UNC5C: variants seen among roughly 807,000 people sequenced by gnomAD.
UNC5C encodes the protein unc-5 netrin receptor C, also known as netrin receptor UNC5C.
A neutral mutation model predicts 99.8 loss-of-function variants in UNC5C; 47 were observed. The ratio of observed to expected loss-of-function variants is 0.47; its 90% CI spans 0.37 to 0.60. The LOEUF (loss-of-function observed/expected upper bound fraction) is 0.60, where lower values mean the gene tolerates loss of function less well. Among genes scored for constraint, UNC5C ranks in the 20% least tolerant of loss-of-function variants. The probability of loss-of-function intolerance (pLI) is 0.00; values close to 1 mark genes in which losing one functional copy is unlikely to be tolerated. For synonymous variants in UNC5C, 487 were observed against 452.2 expected (o/e 1.08, Z -0.98); for missense variants, 1,062 against 1,165.9 (o/e 0.91, Z 1.30).
At chr4:95,270,268 T>C (rs75624928) in intron 4 of UNC5C, among the ~76,000 whole-genome samples, 2,008 of 152,260 alleles carry the variant, frequency 0.013, 39 homozygotes, top group African/African-American at 0.045. Context: ...TGCTTCTCAG[T>C]TTTGGAAAAA....
At chr4:95,356,226 A>AAAAAAAAAAAAAAAAAAAAAAAC (rs1371053400) in intron 1 of UNC5C, among the ~76,000 whole-genome samples, 1 of 144,714 alleles carries the variant, frequency 6.9e-6, no homozygotes, top group Non-Finnish European at 1.5e-5. Flanking sequence ...AACAAAAAAA[A>AAAAAAAAAAAAAAAAAAAAAAAC]AACAGATTCC....
chr4:95,381,840 T>C (rs920401767), intron 1 of UNC5C, among the ~76,000 whole-genome samples: 7 of 152,224 alleles, frequency 4.6e-5, no homozygotes, highest in Admixed American at 2.0e-4. Context: ...AGCGGAGGAC[T>C]TTCATATTGG....
chr4:95,295,496 T>A (rs1016767835), intron 3 of UNC5C, among the ~76,000 whole-genome samples: 16 of 152,222 alleles, frequency 1.1e-4, no homozygotes, highest in African/African-American at 3.6e-4. Flanking sequence ...TTACATGGTT[T>A]GAATGTGTGA....
At chr4:95,228,321 T>A (rs928933055) in intron 7 of UNC5C, among the ~76,000 whole-genome samples, 1 of 152,212 alleles carries the variant, frequency 6.6e-6, no homozygotes. Flanking sequence ...TACTACTTTT[T>A]AAAAAAATAA....
chr4:95,452,987 G>C (rs1747319728), intron 1 of UNC5C, among the ~76,000 whole-genome samples: 1 of 152,114 alleles, frequency 6.6e-6, no homozygotes, highest in Non-Finnish European at 1.5e-5. Flanking sequence ...GTTGACACTG[G>C]GTTTTCATAT....
chr4:95,342,359 C>T (rs1743611594), intron 1 of UNC5C, among the ~76,000 whole-genome samples: 1 of 152,034 alleles, frequency 6.6e-6, no homozygotes, highest in Non-Finnish European at 1.5e-5. Context: ...AGTCCTGAGG[C>T]CCATATTCTA....
intron 1 of UNC5C, among the ~76,000 whole-genome samples, chr4:95,517,632 C>G (rs1459660252): frequency 6.6e-6 from 1 of 152,156 alleles, no homozygotes; most frequent in Non-Finnish European, 1.5e-5. Context: ...GCCTTCCCAA[C>G]CCTGTACTGA....
intron 4 of UNC5C, among the ~76,000 whole-genome samples, chr4:95,254,633 C>G (rs781107339): frequency 2.6e-5 from 4 of 152,180 alleles, no homozygotes; most frequent in Non-Finnish European, 4.4e-5. Flanking sequence ...ATTACCAAAT[C>G]AAAATATGCA....
chr4:95,444,440 T>C (rs1042989378), intron 1 of UNC5C, among the ~76,000 whole-genome samples: 9 of 151,980 alleles, frequency 5.9e-5, no homozygotes, highest in Non-Finnish European at 1.3e-4. Context: ...CACGCCATTC[T>C]CCTGCCTCAG....
intron 1 of UNC5C, among the ~76,000 whole-genome samples, chr4:95,393,712 T>C (rs1216142036): frequency 6.6e-6 from 1 of 152,214 alleles, no homozygotes; most frequent in Non-Finnish European, 1.5e-5. Flanking sequence ...AGTGTGCTGA[T>C]ACATTCTTCC....
chr4:95,284,813 T>C (rs9996353), intron 3 of UNC5C, among the ~76,000 whole-genome samples: 101,193 of 151,996 alleles, frequency 0.67, 34,849 homozygotes, highest in African/African-American at 0.86. Context: ...GAAGAAAGCC[T>C]GTCATGCCAA....
chr4:95,547,281 A>C (rs1723095267), intron 1 of UNC5C, among the ~76,000 whole-genome samples: 1 of 152,070 alleles, frequency 6.6e-6, no homozygotes. Context: ...GGCAGCAGGA[A>C]AATTTACTTC....
At chr4:95,186,149 T>C (rs946516614) in intron 12 of UNC5C, among the ~76,000 whole-genome samples, 3 of 152,186 alleles carry the variant, frequency 2.0e-5, no homozygotes, top group Non-Finnish European at 4.4e-5. Context: ...CTATGCACGT[T>C]ACTCCTCTCA....
chr4:95,233,148 C>T (rs967376523), intron 7 of UNC5C, among the ~76,000 whole-genome samples: 6 of 152,196 alleles, frequency 3.9e-5, no homozygotes, highest in South Asian at 4.1e-4. Flanking sequence ...ACATGGAGAG[C>T]TCTGCCACTT....
intron 12 of UNC5C, among the ~76,000 whole-genome samples, chr4:95,196,296 C>T (rs1185299142): frequency 2.0e-5 from 3 of 151,994 alleles, no homozygotes; most frequent in Non-Finnish European, 1.5e-5. Flanking sequence ...TCTGATATAC[C>T]AAACTCAACC....
At chr4:95,489,837 T>C (rs1721431814) in intron 1 of UNC5C, among the ~76,000 whole-genome samples, 1 of 151,706 alleles carries the variant, frequency 6.6e-6, no homozygotes, top group Non-Finnish European at 1.5e-5. Context: ...GTGAGGAGCC[T>C]GTTTCAAGTG....
At chr4:95,268,681 A>G (rs371216141) in intron 4 of UNC5C, among the ~76,000 whole-genome samples, 7 of 152,372 alleles carry the variant, frequency 4.6e-5, no homozygotes, top group South Asian at 2.1e-4. Context: ...AAACGTTAAC[A>G]TAATTGGCAC....
chr4:95,242,417 A>G lies in UNC5C; in HGVS notation c.1108+12T>C. 6.2e-7 allele frequency: 1 copy of G among 1,614,042 alleles called. No homozygotes were observed. The highest frequency in any genetic ancestry group is 1.7e-5 in the Admixed American group (1 of 60,002). ...CCCCCTCAATGTCTGCAGTTTGCTT[A>G]AATTGACTTACTCTGCATGCAAAGC... On this transcript the variant is annotated intron_variant, in intron 7 of 15. Transcript: ENST00000453304.
chr4:95,166,894 A>G lies in UNC5C; in HGVS notation c.*2340T>C, dbSNP rs558726225. ...CTACAAACATCCACTGAACTTGTTT[A>G]TAGTGCAATCTCTCCCTTCCCCAGT... is the stretch of plus-strand genomic sequence containing the variant. On this transcript the variant is annotated 3_prime_UTR_variant, in exon 16 of 16. Transcript: ENST00000453304. The G allele has an allele frequency of 2.6e-4, 40 of 152,286 alleles. No individual in the cohort carries two copies. The highest frequency in any genetic ancestry group is 8.9e-4 in the African/African-American group (37 of 41,530). 9.4% of individuals were successfully genotyped at this position (152,286 alleles called of 1,614,324 possible). A position where few individuals can be genotyped will look rare whatever the true frequency, so the allele number is the denominator to read the frequency against.
Sources: gnomAD v4.1 joint callset for allele counts (sites outside exome capture counted in the v4.1 genomes callset) on GRCh38, gnomAD v4.1.1 for gene constraint, MANE v1.5 for transcripts, NCBI Gene and HGNC (gene_info 2026-07-23, HGNC 2026-07-21) for gene names.